RPS7: variants seen among roughly 807,000 people sequenced by gnomAD.
RPS7 encodes the protein ribosomal protein S7.
RPS7 carries 1 observed loss-of-function variant against 22.1 expected under a neutral mutation model. That is an observed-to-expected ratio of 0.05 (90% CI 0.02 to 0.21). RPS7 has a LOEUF of 0.21. RPS7 is among the 10% of genes least tolerant of loss of function. The pLI, the probability that RPS7 is intolerant of heterozygous loss-of-function variation, is 1.00. For synonymous variants in RPS7, 80 were observed against 92.0 expected (o/e 0.87, Z 0.74); for missense variants, 137 against 246.4 (o/e 0.56, Z 2.97).
rs768112491 is a variant in RPS7 at position 3,575,651 on chromosome 2, G to A, written c.42G>A (p.Glu14=). 2.5e-6 allele frequency: 4 copies of A among 1,611,574 alleles called. No homozygotes were observed. Among genetic ancestry groups the A allele is most frequent in the Non-Finnish European group, 2.5e-6 (3 of 1,179,646 alleles). Residue 14 remains glutamate, a synonymous_variant, in exon 2 of 7, where the codon GAG becomes GAA. Transcript: ENST00000645674. ...CCAAGATCGTGAAGCCCAATGGCGA[G>A]AAGCCGGACGAGTTCGAGTCCGGCA... ...SSAKIVKPNG[E]KPDEFESGIS...
chr2:3,578,845 C>T (rs989537543), intron 5 of RPS7: 6 of 152,212 alleles, frequency 3.9e-5, no homozygotes, highest in Non-Finnish European at 7.3e-5. Context: ...GTACAAACCT[C>T]TGTTTTCCAA....
Position 3,580,264 on chromosome 2 carries a change from A to G in RPS7, c.507+4A>G, listed in dbSNP as rs371417628. The G allele has an allele frequency of 3.7e-6, 6 of 1,613,406 alleles. No homozygotes were observed. The African/African-American group carries it at 4.0e-5, about 11-fold the overall frequency. On this transcript the variant is annotated splice_donor_region_variant and intron_variant, in intron 6 of 6. Transcript: ENST00000645674. ...GCAGAACAATGTGGAACACAAGGTA[A>G]TAGGTCAACATTTTATCATGGAAAG...
chr2:3,580,001 T>G, intron 5 of RPS7, 109 bp from the exon 6 acceptor site: 1 of 1,023,786 alleles, frequency 9.8e-7, no homozygotes, highest in African/African-American at 1.6e-5. Flanking sequence ...TTAATTTGAC[T>G]TCAGGAACCT....
rs1192570082 is a variant in RPS7, at chr2:3,575,584, G to T, written c.-18-8G>T. On this transcript the variant is annotated splice_polypyrimidine_tract_variant and splice_region_variant and intron_variant, in intron 1 of 6. Transcript: ENST00000645674. ...CGGGCCGCGTAACGCTGACCGCTGTGCCTTCAGTTCTCCCAGGAGAAAGCC... is the reference window on the plus strand; with the variant it reads ...CGGGCCGCGTAACGCTGACCGCTGTTCCTTCAGTTCTCCCAGGAGAAAGCC... The T allele has an allele frequency of 6.2e-7, 1 of 1,602,362 alleles. No homozygotes were observed. The highest frequency in any genetic ancestry group is 8.5e-7 in the Non-Finnish European group (1 of 1,171,934).
At position 3,575,600 on chromosome 2, in the gene RPS7, G is replaced by A. The variant is rs763221365; in HGVS notation, c.-10G>A. ...GACCGCTGTGCCTTCAGTTCTCCCAGGAGAAAGCCATGTTCAGTTCGAGCG... is the reference window on the plus strand; with the variant it reads ...GACCGCTGTGCCTTCAGTTCTCCCAAGAGAAAGCCATGTTCAGTTCGAGCG... On this transcript the variant is annotated 5_prime_UTR_variant, in exon 2 of 7. Transcript: ENST00000645674. 1.9e-6 allele frequency: 3 copies of A among 1,610,012 alleles called. No individual in the cohort carries two copies. Among genetic ancestry groups the A allele is most frequent in the Admixed American group, 1.7e-5 (1 of 60,016 alleles).
chr2:3,575,490 C>T (rs961966752), intron 1 of RPS7, 102 bp from the exon 2 acceptor site: 3 of 763,870 alleles, frequency 3.9e-6, no homozygotes, highest in East Asian at 2.7e-5. Flanking sequence ...TTTCCGATGG[C>T]TTCTGCGGGG....
At position 3,575,315 on chromosome 2, in the gene RPS7, A is replaced by C; in HGVS notation, c.-54A>C. On this transcript the variant is annotated 5_prime_UTR_variant, in exon 1 of 7. Coordinates refer to ENST00000645674, the MANE Select transcript of RPS7 (RefSeq NM_001011.4). ...CGCCGGATTTTGACGTGCTCTCGCG[A>C]GATTTGGGTCTCTTCCTAAGCCGGC... 1 of 470,684 alleles carries C rather than the reference A, an allele frequency of 2.1e-6. No homozygotes were observed. The allele number at this position is 470,684 out of a possible 1,614,324, so 29.2% of individuals were successfully genotyped here.
intron 5 of RPS7, 89 bp from the exon 6 acceptor site, chr2:3,580,021 A>G: frequency 8.2e-7 from 1 of 1,225,968 alleles, no homozygotes; most frequent in East Asian, 2.3e-5. Context: ...TGGGATTTGC[A>G]TTTTCATTTT....
At chr2:3,575,987 C>A in intron 3 of RPS7, 99 bp downstream of exon 3, 1 of 847,900 alleles carries the variant, frequency 1.2e-6, no homozygotes. Flanking sequence ...TGATGACTTG[C>A]CGCCTGGCCG....
At chr2:3,576,711 G>A (rs776615373) in intron 4 of RPS7, 81 bp downstream of exon 4, 7 of 1,468,636 alleles carry the variant, frequency 4.8e-6, no homozygotes, top group African/African-American at 2.8e-5. Flanking sequence ...TTGGTAGTTG[G>A]AGTCATGAAA....
chr2:3,577,004 A>C (rs1222925830), intron 4 of RPS7: 2 of 319,408 alleles, frequency 6.3e-6, no homozygotes, highest in Non-Finnish European at 1.2e-5. Context: ...AAATTTCCAC[A>C]AGTCTAGTGG....
chr2:3,579,017 T>C (rs1007455716), intron 5 of RPS7: 1 of 152,156 alleles, frequency 6.6e-6, no homozygotes, highest in African/African-American at 2.4e-5. Context: ...GCTATCTTTA[T>C]CTAACTCAGG....
chr2:3,575,867 G>A lies in RPS7; in HGVS notation c.126G>A (p.Glu42=), dbSNP rs777387773. Residue 42 remains glutamate, a synonymous_variant, in exon 3 of 7, where the codon GAG becomes GAA. Coordinates refer to ENST00000645674, the MANE Select transcript of RPS7 (RefSeq NM_001011.4). ...MNSDLKAQLR[E]LNITAAKEIE... ...CGGACCTCAAGGCTCAGCTCAGGGA[G>A]CTGAATATTACGGCAGCTAAGGTAA... The A allele has an allele frequency of 3.7e-6, 6 of 1,610,886 alleles. No individual in the cohort carries two copies. The highest frequency in any genetic ancestry group is 5.1e-6 in the Non-Finnish European group (6 of 1,179,206).
At chr2:3,577,002 A>G (rs1661294614) in intron 4 of RPS7, 1 of 321,798 alleles carries the variant, frequency 3.1e-6, no homozygotes, top group African/African-American at 2.2e-5. Flanking sequence ...TTAAATTTCC[A>G]CAAGTCTAGT....
rs59060135 is a variant in RPS7 at position 3,580,608 on chromosome 2, C to T, written c.508-197C>T. 0.014 allele frequency: 8,761 copies of T among 624,848 alleles called. 559 individuals carry two copies. In the African/African-American group the frequency reaches 0.14, roughly 10 times the overall value. The allele number at this position is 624,848 out of a possible 1,614,324, so 38.7% of individuals were successfully genotyped here. ...TGCTGGGGTCCCCTGATGGCTTCCC[C>T]GGTGCAGTGGTGTACAGTTCTGTCC... On this transcript the variant is annotated intron_variant, in intron 6 of 6. Transcript: ENST00000645674.
chr2:3,580,590 G>A (rs1471000828), intron 6 of RPS7: 2 of 622,156 alleles, frequency 3.2e-6, no homozygotes, highest in Non-Finnish European at 2.8e-6. Context: ...GACTGCTGGG[G>A]TCCCCTGATG....
chr2:3,576,833 G>T (rs1340699577), intron 4 of RPS7: 3 of 695,496 alleles, frequency 4.3e-6, no homozygotes, highest in Non-Finnish European at 7.9e-6. Flanking sequence ...TCACTGTAGA[G>T]ACCAGCCTGG....
chr2:3,578,729 T>C (rs1226053935), intron 5 of RPS7: 1 of 152,196 alleles, frequency 6.6e-6, no homozygotes, highest in Non-Finnish European at 1.5e-5. Flanking sequence ...ATCATGACAC[T>C]TAAAGAGGGT....
At position 3,576,467 on chromosome 2, in the gene RPS7, A is replaced by G; in HGVS notation, c.148-20A>G. On this transcript the variant is annotated intron_variant, in intron 3 of 6. Coordinates refer to ENST00000645674, the MANE Select transcript of RPS7 (RefSeq NM_001011.4). ...CTTTCTGAAGCAGTTAACACAGTGG[A>G]TTTTTGTTTTTTTCTTTAGGAAATT... 6.2e-7 allele frequency: 1 copy of G among 1,611,724 alleles called. No homozygotes were observed. Among genetic ancestry groups the G allele is most frequent in the Non-Finnish European group, 8.5e-7 (1 of 1,177,956 alleles).
Sources: gnomAD v4.1 joint callset for allele counts on GRCh38, gnomAD v4.1.1 for gene constraint, MANE v1.5 for transcripts, NCBI Gene and HGNC (gene_info 2026-07-23, HGNC 2026-07-21) for gene names.